VWA8: variants seen among roughly 807,000 people sequenced by gnomAD.
VWA8 encodes the protein von Willebrand factor A domain-containing protein 8.
In VWA8, 221 loss-of-function variants were observed where a neutral mutation model predicts 241.5. The observed-to-expected ratio is 0.91, with a 90% CI of 0.82 to 1.02. The LOEUF (loss-of-function observed/expected upper bound fraction) is 1.02. Among genes scored for constraint, VWA8 ranks in the 50% least tolerant of loss-of-function variants. The pLI, the probability that VWA8 is intolerant of heterozygous loss-of-function variation, is 0.00. For missense variants in VWA8, 2,322 were observed against 2,328.7 expected (o/e 1.00, Z 0.06); for synonymous variants, 852 against 827.1 (o/e 1.03, Z -0.52).
chr13:41,911,065 T>TC (rs1190937545), intron 3 of VWA8, among the ~76,000 whole-genome samples: 1 of 144,994 alleles, frequency 6.9e-6, no homozygotes, highest in African/African-American at 2.5e-5. Flanking sequence ...TTTCTTTCTT[T>TC]TTTTTTTTTT....
intron 9 of VWA8, among the ~76,000 whole-genome samples, chr13:41,872,627 C>T (rs1037372212): frequency 1.3e-4 from 20 of 152,118 alleles, no homozygotes; most frequent in African/African-American, 3.1e-4. Flanking sequence ...AGATATATGG[C>T]GTTATTTCTG....
At chr13:41,758,369 C>CATATATATATATAT (rs374621428) in intron 21 of VWA8, among the ~76,000 whole-genome samples, 26 of 72,982 alleles carry the variant, frequency 3.6e-4, no homozygotes, top group African/African-American at 1.4e-3. Context: ...TAGATACTAG[C>CATATATATATATAT]ATATATATAT....
Position 41,948,513 on chromosome 13 carries a change from T to C in VWA8, c.241+1423A>G, listed in dbSNP as rs139511225. Among the ~76,000 whole-genome samples the C allele has an allele frequency of 4.9e-4, 75 of 152,360 alleles. 2 individuals are homozygous for C. The East Asian group carries it at 0.013, about 27-fold the overall frequency. Reference sequence around the variant, plus strand: ...ATATGGAAAGGTGAACTTTATGGTATATGAATTATATCTCAATAAAACTGT... The same window carrying C: ...ATATGGAAAGGTGAACTTTATGGTACATGAATTATATCTCAATAAAACTGT... On this transcript the variant is annotated intron_variant, in intron 2 of 44. Transcript: ENST00000379310.
chr13:41,645,266 C>T (rs2044823597), intron 37 of VWA8, among the ~76,000 whole-genome samples: 1 of 152,076 alleles, frequency 6.6e-6, no homozygotes, highest in Admixed American at 6.6e-5. Flanking sequence ...CTGCTTAGTA[C>T]AAAACATTCA....
intron 37 of VWA8, among the ~76,000 whole-genome samples, chr13:41,660,186 G>A (rs2044939815): frequency 6.6e-6 from 1 of 151,886 alleles, no homozygotes; most frequent in Non-Finnish European, 1.5e-5. Context: ...CATGATCTTG[G>A]TTCACTGCAA....
chr13:41,652,248 C>G (rs548398409), intron 37 of VWA8, among the ~76,000 whole-genome samples: 171 of 152,298 alleles, frequency 1.1e-3, no homozygotes, highest in African/African-American at 3.8e-3. Flanking sequence ...GGCACAACTT[C>G]CATTAAAACT....
intron 1 of VWA8, among the ~76,000 whole-genome samples, chr13:41,954,066 C>G (rs1878252559): frequency 6.6e-6 from 1 of 152,192 alleles, no homozygotes; most frequent in Non-Finnish European, 1.5e-5. Context: ...TTCATATGGA[C>G]CAGGCATCTG....
chr13:41,623,064 T>C (rs1478201938), intron 37 of VWA8, among the ~76,000 whole-genome samples: 1 of 152,194 alleles, frequency 6.6e-6, no homozygotes, highest in Admixed American at 6.5e-5. Flanking sequence ...GTCTGAGACG[T>C]GAGGGAAAGT....
At chr13:41,886,756 C>A (rs747575996) in intron 7 of VWA8, 25 bp downstream of exon 7, 3 of 1,563,170 alleles carry the variant, frequency 1.9e-6, no homozygotes, top group African/African-American at 2.7e-5. Flanking sequence ...ATTCAGTGTC[C>A]AGACATTTAT....
At chr13:41,711,038 T>C (rs1203929977) in intron 26 of VWA8, among the ~76,000 whole-genome samples, 1 of 152,226 alleles carries the variant, frequency 6.6e-6, no homozygotes, top group Non-Finnish European at 1.5e-5. Context: ...AATATGCACA[T>C]CTGGCACTGC....
chr13:41,816,104 G>C (rs754442414), intron 16 of VWA8, among the ~76,000 whole-genome samples: 1 of 152,086 alleles, frequency 6.6e-6, no homozygotes, highest in Non-Finnish European at 1.5e-5. Context: ...CAATGATCTC[G>C]GTGTATCCAG....
At chr13:41,614,195 C>G (rs2044606831) in intron 38 of VWA8, among the ~76,000 whole-genome samples, 2 of 152,240 alleles carry the variant, frequency 1.3e-5, no homozygotes, top group South Asian at 4.1e-4. Context: ...AGCACATTGT[C>G]TAAGCAGAGA....
At chr13:41,892,359 T>C (rs892618966) in intron 4 of VWA8, among the ~76,000 whole-genome samples, 1 of 152,250 alleles carries the variant, frequency 6.6e-6, no homozygotes, top group Non-Finnish European at 1.5e-5. Flanking sequence ...ATGTTTCTTC[T>C]GCACATTCAA....
At chr13:41,729,794 C>A in intron 22 of VWA8, 117 bp from the exon 23 acceptor site, 3 of 656,240 alleles carry the variant, frequency 4.6e-6, no homozygotes, top group Non-Finnish European at 7.6e-6. Flanking sequence ...CAAGTATACA[C>A]GTAGACACAC....
chr13:41,766,092 G>T (rs1009607129), intron 20 of VWA8, among the ~76,000 whole-genome samples: 1 of 152,146 alleles, frequency 6.6e-6, no homozygotes, highest in Admixed American at 6.5e-5. Context: ...AGGAGAGGAA[G>T]TAAACATGCT....
At chr13:41,929,431 G>A (rs181776241) in intron 2 of VWA8, among the ~76,000 whole-genome samples, 1 of 152,232 alleles carries the variant, frequency 6.6e-6, no homozygotes, top group Non-Finnish European at 1.5e-5. Flanking sequence ...GGGATTACAG[G>A]CATGATCCAC....
At chr13:41,633,139 T>C (rs955665460) in intron 37 of VWA8, among the ~76,000 whole-genome samples, 3 of 152,242 alleles carry the variant, frequency 2.0e-5, no homozygotes, top group Non-Finnish European at 4.4e-5. Context: ...AGTACATTTA[T>C]GTATGTGCAT....
chr13:41,747,653 G>C (rs2045619654), intron 21 of VWA8, among the ~76,000 whole-genome samples: 1 of 141,318 alleles, frequency 7.1e-6, no homozygotes, highest in African/African-American at 2.5e-5. Flanking sequence ...GGAGTGGTGA[G>C]AGAGGGCATC....
At chr13:41,589,837 T>C (rs1035761827) in intron 41 of VWA8, among the ~76,000 whole-genome samples, 4 of 152,158 alleles carry the variant, frequency 2.6e-5, no homozygotes, top group Non-Finnish European at 5.9e-5. Flanking sequence ...TGAATTGCCC[T>C]AAAACCATTT....
Sources: gnomAD v4.1 joint callset for allele counts (sites outside exome capture counted in the v4.1 genomes callset) on GRCh38, gnomAD v4.1.1 for gene constraint, MANE v1.5 for transcripts, NCBI Gene and HGNC (gene_info 2026-07-23, HGNC 2026-07-21) for gene names.